ZNF525: variants seen among roughly 807,000 people sequenced by gnomAD.
ZNF525 encodes zinc finger protein 525.
ZNF525 carries 33 observed loss-of-function variants against 37.6 expected under a neutral mutation model. That is an observed-to-expected ratio of 0.88 (90% CI 0.67 to 1.17). The LOEUF (loss-of-function observed/expected upper bound fraction) is 1.17, where lower values mean the gene tolerates loss of function less well. ZNF525 is among the 50% of genes most tolerant of loss of function. The probability of loss-of-function intolerance (pLI) is 0.00; values close to 1 mark genes in which losing one functional copy is unlikely to be tolerated. For missense variants in ZNF525, 449 were observed against 543.1 expected, an observed-to-expected ratio of 0.83 and a Z score of 1.72; for synonymous variants, 170 against 182.3, an observed-to-expected ratio of 0.93 and a Z score of 0.54.
chr19:53,369,785 C>T (rs1309368003), intron 1 of ZNF525, among the ~76,000 whole-genome samples: 6 of 113,840 alleles, frequency 5.3e-5, no homozygotes, highest in Non-Finnish European at 8.3e-5. Flanking sequence ...AGTGCAGTGG[C>T]GCGATCTGGG....
intron 3 of ZNF525, chr19:53,376,354 T>C (rs1568758860): frequency 1.4e-6 from 1 of 701,972 alleles, no homozygotes; most frequent in East Asian, 2.7e-5. Flanking sequence ...CTTTGCCTTC[T>C]GAGTGCAGAG....
Position 53,375,779 on chromosome 19 carries a change from A to G in ZNF525, c.25A>G (p.Thr9Ala), listed in dbSNP as rs774578630. The G allele has an allele frequency of 1.2e-4, 200 of 1,613,668 alleles. No homozygotes were observed. Among genetic ancestry groups the G allele is most frequent in the Non-Finnish European group, 1.6e-4 (189 of 1,179,884 alleles). Residue 9 changes from threonine to alanine, a missense_variant, in exon 3 of 4, where the codon ACA becomes GCA. Around this residue, in one of 2 missense-constraint regions of ZNF525, gnomAD observed 271 missense variants for 381.6 expected, o/e 0.71. Transcript: ENST00000474037. ...TGTGTTTTCATTTCAGGGTCTATTG[A>G]CATTCAGGGATGTGGCCATAGAATT... MALPQGLL[T>A]FRDVAIEFSQ...
At chr19:53,375,188 C>T (rs1047622374) in intron 2 of ZNF525, among the ~76,000 whole-genome samples, 19 of 152,156 alleles carry the variant, frequency 1.2e-4, no homozygotes, top group African/African-American at 4.3e-4. Flanking sequence ...CCGTGCCTGG[C>T]TGGATTTTAG....
chr19:53,370,186 T>G (rs528361494), intron 1 of ZNF525, among the ~76,000 whole-genome samples: 2 of 149,630 alleles, frequency 1.3e-5, no homozygotes, highest in African/African-American at 4.9e-5. Flanking sequence ...TTTGGGAGGC[T>G]GAGGCGGGCA....
chr19:53,366,979 T>C (rs1299905573), intron 1 of ZNF525, among the ~76,000 whole-genome samples: 1 of 151,844 alleles, frequency 6.6e-6, no homozygotes, highest in Non-Finnish European at 1.5e-5. Context: ...AAACACAGAG[T>C]GGGTTTTTTT....
At position 53,384,447 on chromosome 19, in the gene ZNF525, GTCTC is replaced by G. The variant is rs2085591099; in HGVS notation, c.*2430_*2433del. On this transcript the variant is annotated 3_prime_UTR_variant, in exon 4 of 4. Transcript: ENST00000474037. ...TTTCCAAACCATCAATATGGGTTGT[GTCTC>G]TATATATGTTTTTAATCATTTTGAT... 6.4e-6 allele frequency: 1 copy of G among 156,922 alleles called. No individual in the cohort carries two copies. The highest frequency in any genetic ancestry group is 1.4e-5 in the Non-Finnish European group (1 of 70,784). 9.7% of individuals were successfully genotyped at this position (156,922 alleles called of 1,614,324 possible).
intron 1 of ZNF525, among the ~76,000 whole-genome samples, chr19:53,370,582 G>C (rs894889948): frequency 2.6e-5 from 4 of 151,618 alleles, no homozygotes; most frequent in African/African-American, 9.7e-5. Context: ...CCCTTAAATG[G>C]TTGGCAAAAT....
In ZNF525 at chr19:53,383,340, T is replaced by C; in HGVS notation, c.*1321T>C. 1 of 1,327,180 alleles carries C rather than the reference T, an allele frequency of 7.5e-7. No individual in the cohort carries two copies. The highest frequency in any genetic ancestry group is 1.0e-6 in the Non-Finnish European group (1 of 957,178). The allele number at this position is 1,327,180 out of a possible 1,614,324, so 82.2% of individuals were successfully genotyped here. A position where few individuals can be genotyped will look rare whatever the true frequency, so the allele number is the denominator to read the frequency against. ...CAAGCGTAATGAATGTGGCGAGGTTTTCAATCAACAAGCACACGTTGCACG... is the reference window on the plus strand; with the variant it reads ...CAAGCGTAATGAATGTGGCGAGGTTCTCAATCAACAAGCACACGTTGCACG... On this transcript the variant is annotated 3_prime_UTR_variant, in exon 4 of 4. Transcript: ENST00000474037.
chr19:53,366,820 G>C (rs1005137946), intron 1 of ZNF525, among the ~76,000 whole-genome samples: 13 of 141,664 alleles, frequency 9.2e-5, no homozygotes, highest in South Asian at 2.2e-4. Flanking sequence ...AGAGAAGAGA[G>C]AATTTAACGG....
At chr19:53,376,670 T>A (rs1231069799) in intron 3 of ZNF525, among the ~76,000 whole-genome samples, 1 of 152,136 alleles carries the variant, frequency 6.6e-6, no homozygotes, top group Non-Finnish European at 1.5e-5. Flanking sequence ...CGGCTCCACA[T>A]CTCGGGCTCA....
intron 3 of ZNF525, chr19:53,376,482 T>C (rs2085523317): frequency 1.7e-6 from 1 of 589,130 alleles, no homozygotes; most frequent in Non-Finnish European, 3.0e-6. Flanking sequence ...TTTTGTTTTT[T>C]CAGGTTTGTT....
intron 3 of ZNF525, among the ~76,000 whole-genome samples, chr19:53,378,989 T>C (rs2085540954): frequency 6.6e-6 from 1 of 152,234 alleles, no homozygotes; most frequent in South Asian, 2.1e-4. Flanking sequence ...CTATGTTTTA[T>C]ATTTTATGCA....
chr19:53,383,671 C>A lies in ZNF525; in HGVS notation c.*1652C>A. The A allele has an allele frequency of 4.0e-6, 3 of 757,254 alleles. No homozygotes were observed. The highest frequency in any genetic ancestry group is 6.4e-6 in the Non-Finnish European group (3 of 468,610). The allele number at this position is 757,254 out of a possible 1,614,324, so 46.9% of individuals were successfully genotyped here. ...TTGACTAACGTAATGATTCTCACAA[C>A]GTCTTCAGTAATGCTACAACCATTG... On this transcript the variant is annotated 3_prime_UTR_variant, in exon 4 of 4. Transcript: ENST00000474037.
At chr19:53,376,468 C>G (rs924871897) in intron 3 of ZNF525, 10 of 586,808 alleles carry the variant, frequency 1.7e-5, no homozygotes, top group South Asian at 2.2e-5. Context: ...TTATTTTGTT[C>G]TTATTTTGTT....
rs993584113 is a variant in ZNF525 at position 53,384,934 on chromosome 19, A to G, written c.*2915A>G. 1 of 700,406 alleles carries G rather than the reference A, an allele frequency of 1.4e-6. No individual in the cohort carries two copies. Among genetic ancestry groups the G allele is most frequent in the East Asian group, 2.7e-5 (1 of 37,192 alleles). The allele number at this position is 700,406 out of a possible 1,614,324, so 43.4% of individuals were successfully genotyped here. A position where few individuals can be genotyped will look rare whatever the true frequency, so the allele number is the denominator to read the frequency against. On this transcript the variant is annotated 3_prime_UTR_variant, in exon 4 of 4. Transcript: ENST00000474037. ...TTGTCATTTCATGGATGTTCTTTCTATTGTTGAGGTAAATTTCCTTTTCTA... is the reference window on the plus strand; with the variant it reads ...TTGTCATTTCATGGATGTTCTTTCTGTTGTTGAGGTAAATTTCCTTTTCTA...
At chr19:53,368,926 A>G (rs2085466558) in intron 1 of ZNF525, among the ~76,000 whole-genome samples, 1 of 152,114 alleles carries the variant, frequency 6.6e-6, no homozygotes, top group African/African-American at 2.4e-5. Context: ...GGGTGCCACG[A>G]TATGCAATAC....
At chr19:53,379,730 T>C (rs886369601) in intron 3 of ZNF525, among the ~76,000 whole-genome samples, 3 of 152,202 alleles carry the variant, frequency 2.0e-5, no homozygotes, top group Admixed American at 6.5e-5. Flanking sequence ...CAGCGGGTGC[T>C]GTGGCTCACG....
At chr19:53,374,572 C>T (rs113829848) in intron 2 of ZNF525, among the ~76,000 whole-genome samples, 6,556 of 152,218 alleles carry the variant, frequency 0.043, 209 homozygotes, top group Middle Eastern at 0.092. Flanking sequence ...CCTCCCTGCC[C>T]CCAACCGCCA....
Position 53,385,334 on chromosome 19 carries a change from A to C in ZNF525, c.*3315A>C, listed in dbSNP as rs1376402339. ...CAAAAGGATAAGACATGAGTATAAA[A>C]AGAGACTCCATCAAAGCAATATAAA... On this transcript the variant is annotated 3_prime_UTR_variant, in exon 4 of 4. Coordinates refer to ENST00000474037, the MANE Select transcript of ZNF525 (RefSeq NM_001348156.2). 1 of 202,844 alleles carries C rather than the reference A, an allele frequency of 4.9e-6. No individual in the cohort carries two copies. The highest frequency in any genetic ancestry group is 2.3e-5 in the African/African-American group (1 of 43,300). 12.6% of individuals were successfully genotyped at this position (202,844 alleles called of 1,614,324 possible). A position where few individuals can be genotyped will look rare whatever the true frequency, so the allele number is the denominator to read the frequency against.
Sources: gnomAD v4.1 joint callset for allele counts (sites outside exome capture counted in the v4.1 genomes callset) on GRCh38, gnomAD v4.1.1 for gene constraint, gnomAD v4.1.1 regional missense constraint, MANE v1.5 for transcripts, NCBI Gene and HGNC (gene_info 2026-07-23, HGNC 2026-07-21) for gene names.